Variants in KIF27 observed in about 807,000 individuals in gnomAD.
The protein encoded by KIF27 is kinesin family member 27.
Under a neutral mutation model 141.8 loss-of-function variants are expected in KIF27, and 84 were observed. That is an observed-to-expected ratio of 0.59 (90% CI 0.50 to 0.71). The LOEUF (loss-of-function observed/expected upper bound fraction) is 0.71, where lower values mean the gene tolerates loss of function less well. Among genes scored for constraint, KIF27 ranks in the 30% least tolerant of loss-of-function variants. The probability of loss-of-function intolerance (pLI) is 0.00; values close to 1 mark genes in which losing one functional copy is unlikely to be tolerated. For missense variants in KIF27, 1,306 were observed against 1,628.4 expected (o/e 0.80, Z 3.41); for synonymous variants, 471 against 569.5 (o/e 0.83, Z 2.46).
intron 5 of KIF27, among the ~76,000 whole-genome samples, chr9:83,895,484 T>C (rs968050152): frequency 2.3e-4 from 35 of 152,268 alleles, no homozygotes; most frequent in South Asian, 4.1e-4. Flanking sequence ...TCCTCTATGA[T>C]TGGAAACAAG....
At chr9:83,864,659 G>C (rs190988162) in intron 13 of KIF27, among the ~76,000 whole-genome samples, 1 of 152,306 alleles carries the variant, frequency 6.6e-6, no homozygotes, top group East Asian at 1.9e-4. Flanking sequence ...TGTTGATTTG[G>C]GGTGGAAAGT....
At chr9:83,858,434 CAATA>C (rs1217118912) in intron 14 of KIF27, 1 of 152,048 alleles carries the variant, frequency 6.6e-6, no homozygotes, top group Non-Finnish European at 1.5e-5. Context: ...GAGACACCAA[CAATA>C]AATATTTGCA....
At chr9:83,870,103 TTTA>T (rs1950646742) in intron 12 of KIF27, among the ~76,000 whole-genome samples, 1 of 152,130 alleles carries the variant, frequency 6.6e-6, no homozygotes. Context: ...GTTTGAAGGT[TTTA>T]TTCAGAGTCC....
At chr9:83,882,940 GCAT>G (rs1241500747) in intron 10 of KIF27, among the ~76,000 whole-genome samples, 1 of 152,060 alleles carries the variant, frequency 6.6e-6, no homozygotes, top group African/African-American at 2.4e-5. Flanking sequence ...GTTTGAGGTG[GCAT>G]CAGAAACCCC....
intron 2 of KIF27, among the ~76,000 whole-genome samples, chr9:83,909,372 G>A (rs1186065544): frequency 6.6e-6 from 1 of 152,154 alleles, no homozygotes; most frequent in East Asian, 1.9e-4. Flanking sequence ...GACTTTGGGA[G>A]GCTAAGGCAT....
intron 13 of KIF27, chr9:83,863,830 A>G (rs1950141222): frequency 6.6e-6 from 1 of 152,170 alleles, no homozygotes; most frequent in Non-Finnish European, 1.5e-5. Flanking sequence ...TTGGTAAGCT[A>G]TTAATTATTG....
chr9:83,887,680 T>G (rs1952235014), intron 8 of KIF27, among the ~76,000 whole-genome samples: 1 of 152,004 alleles, frequency 6.6e-6, no homozygotes, highest in Admixed American at 6.5e-5. Flanking sequence ...AGGTGACATT[T>G]TTTTCATAGC....
intron 1 of KIF27, among the ~76,000 whole-genome samples, chr9:83,919,526 GACA>G (rs1956041403): frequency 6.6e-6 from 1 of 151,750 alleles, no homozygotes; most frequent in Non-Finnish European, 1.5e-5. Flanking sequence ...AAGTAACACA[GACA>G]ACTAGACTGA....
At chr9:83,882,584 C>T (rs1951772023) in intron 10 of KIF27, among the ~76,000 whole-genome samples, 1 of 152,202 alleles carries the variant, frequency 6.6e-6, no homozygotes, top group Non-Finnish European at 1.5e-5. Context: ...TCATCCTTAT[C>T]CCCATGAGTA....
intron 1 of KIF27, among the ~76,000 whole-genome samples, chr9:83,920,853 AC>A: frequency 9.8e-6 from 1 of 102,506 alleles, no homozygotes; most frequent in Non-Finnish European, 2.2e-5. Context: ...CCAAGTTTCA[AC>A]CTCTACGGTG....
At position 83,887,312 on chromosome 9, in the gene KIF27, A is replaced by C. The variant is rs113746751; in HGVS notation, c.2084-116T>G. On this transcript the variant is annotated intron_variant, in intron 8 of 17. Transcript: ENST00000297814. ...TTTAGAGGTGGCAGTGGAAGAGACAAAAAGGAAGGGGAGGAAAAAGGGGAA... is the reference window on the plus strand; with the variant it reads ...TTTAGAGGTGGCAGTGGAAGAGACACAAAGGAAGGGGAGGAAAAAGGGGAA... 75,799 of 627,834 alleles carry C rather than the reference A, an allele frequency of 0.12. 5,083 individuals carry two copies. The highest frequency in any genetic ancestry group is 0.13 in the Non-Finnish European group (52,654 of 399,562). 38.9% of individuals were successfully genotyped at this position (627,834 alleles called of 1,614,324 possible).
In KIF27 at chr9:83,904,832, C is replaced by T. The variant is rs139508075; in HGVS notation, c.500-814G>A. On this transcript the variant is annotated intron_variant, in intron 3 of 17. Transcript: ENST00000297814. Reference sequence around the variant, plus strand: ...TTTATGTTTTTTGGTATCGTGAGGTCATAATCAATGAAGAGTAAAAAATTC... The same window carrying T: ...TTTATGTTTTTTGGTATCGTGAGGTTATAATCAATGAAGAGTAAAAAATTC... 2.5e-3 allele frequency among the ~76,000 whole-genome samples: 374 copies of T among 150,798 alleles called. 1 individual carries two copies. The highest frequency in any genetic ancestry group is 8.8e-3 in the African/African-American group (360 of 41,092).
intron 1 of KIF27, among the ~76,000 whole-genome samples, chr9:83,919,980 C>T (rs1269555500): frequency 6.6e-6 from 1 of 151,736 alleles, no homozygotes; most frequent in Non-Finnish European, 1.5e-5. Flanking sequence ...ACCTGTAATC[C>T]CAGCACTTTG....
intron 2 of KIF27, among the ~76,000 whole-genome samples, chr9:83,909,942 T>C (rs1295205092): frequency 1.3e-5 from 2 of 152,036 alleles, no homozygotes; most frequent in Non-Finnish European, 1.5e-5. Context: ...TGCATGCCTA[T>C]GGTCTCAGCT....
chr9:83,906,603 G>A (rs531929230), intron 3 of KIF27, among the ~76,000 whole-genome samples: 38 of 151,980 alleles, frequency 2.5e-4, no homozygotes, highest in African/African-American at 8.4e-4. Context: ...TTAGCCAGGC[G>A]TGGTGGCGGG....
At chr9:83,843,115 T>A (rs1171045861) in intron 16 of KIF27, among the ~76,000 whole-genome samples, 1 of 149,318 alleles carries the variant, frequency 6.7e-6, no homozygotes, top group Non-Finnish European at 1.5e-5. Flanking sequence ...AAAAGTCACA[T>A]GACTAGGATT....
In KIF27 at chr9:83,913,055, C is replaced by A. The variant is rs1955333177; in HGVS notation, c.298+2239G>T. Among the ~76,000 whole-genome samples the A allele has an allele frequency of 2.0e-5, 3 of 151,260 alleles. No individual in the cohort carries two copies. In the South Asian group the frequency reaches 6.3e-4, roughly 32 times the overall value. On this transcript the variant is annotated intron_variant, in intron 2 of 17. Coordinates refer to ENST00000297814, the MANE Select transcript of KIF27 (RefSeq NM_017576.4). ...TGATATGTCCCTGTAGTCCCAGATA[C>A]TTAGGAGGCCAAGGTGGAAGAATCT...
intron 14 of KIF27, among the ~76,000 whole-genome samples, chr9:83,857,794 C>T (rs1166972860): frequency 2.0e-5 from 3 of 152,106 alleles, no homozygotes; most frequent in Admixed American, 6.6e-5. Flanking sequence ...CTTGATGAAT[C>T]TTCCCCCAAA....
chr9:83,860,544 G>A (rs1450538964), intron 13 of KIF27, among the ~76,000 whole-genome samples: 1 of 152,102 alleles, frequency 6.6e-6, no homozygotes, highest in Non-Finnish European at 1.5e-5. Flanking sequence ...GAACTATCTA[G>A]TGTGAAATGA....
Sources: gnomAD v4.1 joint callset for allele counts (sites outside exome capture counted in the v4.1 genomes callset) on GRCh38, gnomAD v4.1.1 for gene constraint, MANE v1.5 for transcripts, NCBI Gene and HGNC (gene_info 2026-07-23, HGNC 2026-07-21) for gene names.